The following RBFOX1 variants were observed in gnomAD, a reference collection of about 807,000 sequenced individuals.
RBFOX1 encodes the protein RNA binding protein fox-1 homolog 1.
In RBFOX1, 8 loss-of-function variants were observed where a neutral mutation model predicts 57.7. That is an observed-to-expected ratio of 0.14 (90% CI 0.08 to 0.25). The LOEUF (loss-of-function observed/expected upper bound fraction) is 0.25, where lower values mean the gene tolerates loss of function less well. RBFOX1 is among the 10% of genes least tolerant of loss of function. The pLI is 1.00. For missense variants in RBFOX1, 611 were observed against 548.5 expected (o/e 1.11, Z -1.14); for synonymous variants, 326 against 222.4 (o/e 1.47, Z -4.15).
chr16:5,903,782 C>G (rs2058370905), intron 4 of RBFOX1, among the ~76,000 whole-genome samples: 1 of 152,126 alleles, frequency 6.6e-6, no homozygotes, highest in South Asian at 2.1e-4. Context: ...TTAGATGTTT[C>G]TGTGTGCCCC....
At chr16:6,439,755 T>C (rs191310351) in intron 2 of RBFOX1, among the ~76,000 whole-genome samples, 12 of 152,074 alleles carry the variant, frequency 7.9e-5, no homozygotes, top group African/African-American at 2.9e-4. Context: ...GTCTCATCTT[T>C]CCCTGGGAGA....
At position 6,376,267 on chromosome 16, in the gene RBFOX1, G is replaced by C. The variant is rs140133491; in HGVS notation, c.-64+59210G>C. On this transcript the variant is annotated intron_variant, in intron 2 of 15. Transcript: ENST00000550418. ...CCTATAGCCTGGCACTTAGTGAGGC[G>C]GTGTGTTGTGTTGGGTTTTGTTTGT... 9.2e-3 allele frequency among the ~76,000 whole-genome samples: 1,392 copies of C among 150,974 alleles called. 23 individuals carry two copies. The highest frequency in any genetic ancestry group is 0.031 in the African/African-American group (1,254 of 41,076).
rs151036290 is a variant in RBFOX1, at chr16:6,881,717, C to G, written c.-15-170340C>G. On this transcript the variant is annotated intron_variant, in intron 3 of 15. Coordinates refer to ENST00000550418, the MANE Select transcript of RBFOX1 (RefSeq NM_018723.4). ...CGTCTTAACGTTGAATTTGCGGGGA[C>G]AATTTAACACATCACACTGGGTGCC... Among the ~76,000 whole-genome samples the G allele has an allele frequency of 1.4e-4, 21 of 152,270 alleles. No homozygotes were observed. The East Asian group carries it at 3.9e-3, about 28-fold the overall frequency.
intron 4 of RBFOX1, among the ~76,000 whole-genome samples, chr16:7,154,020 T>C (rs2076603953): frequency 6.6e-6 from 1 of 152,198 alleles, no homozygotes; most frequent in Non-Finnish European, 1.5e-5. Flanking sequence ...CCATCATCAT[T>C]ATCATAGTTG....
intron 2 of RBFOX1, among the ~76,000 whole-genome samples, chr16:6,384,887 C>A (rs766558251): frequency 2.0e-5 from 3 of 152,180 alleles, no homozygotes; most frequent in Non-Finnish European, 4.4e-5. Flanking sequence ...TCCCTTAGAA[C>A]TAGTCTGCAG....
At chr16:5,341,584 A>T (rs779406965) in intron 1 of RBFOX1, among the ~76,000 whole-genome samples, 48 of 152,194 alleles carry the variant, frequency 3.2e-4, no homozygotes, top group African/African-American at 1.2e-3. Context: ...TGGACACACA[A>T]CGTGAGCAGT....
At chr16:5,355,597 A>C (rs569915128) in intron 1 of RBFOX1, among the ~76,000 whole-genome samples, 1 of 152,210 alleles carries the variant, frequency 6.6e-6, no homozygotes, top group Non-Finnish European at 1.5e-5. Context: ...TGATGTAATT[A>C]GGAAGACAGA....
chr16:5,856,557 G>GAGTA (rs2057066778), intron 3 of RBFOX1, among the ~76,000 whole-genome samples: 1 of 58,680 alleles, frequency 1.7e-5, no homozygotes, highest in African/African-American at 6.6e-5. Context: ...GTGTGTGTGT[G>GAGTA]TGTGTATGTG....
Position 7,135,268 on chromosome 16 carries a change from A to C in RBFOX1, c.27+83170A>C, listed in dbSNP as rs150197738. On this transcript the variant is annotated intron_variant, in intron 4 of 15. Transcript: ENST00000550418. ...TTGTTGCTGTTGGATTAAAGCAACT[A>C]AGTAACTCTGCAGTGGACAGAGGCT... Among the ~76,000 whole-genome samples the C allele has an allele frequency of 1.4e-4, 21 of 152,306 alleles. No individual in the cohort carries two copies. In the East Asian group the frequency reaches 3.3e-3, roughly 24 times the overall value.
chr16:6,641,414 T>C (rs1468385998), intron 2 of RBFOX1, among the ~76,000 whole-genome samples: 1 of 152,118 alleles, frequency 6.6e-6, no homozygotes, highest in African/African-American at 2.4e-5. Flanking sequence ...TTGGTGCTGG[T>C]GATGCAGACA....
chr16:5,672,810 G>C (rs1402731641), intron 3 of RBFOX1, among the ~76,000 whole-genome samples: 4 of 152,128 alleles, frequency 2.6e-5, no homozygotes, highest in African/African-American at 9.7e-5. Flanking sequence ...GTCCTACCTA[G>C]ACCAGAGAAA....
chr16:7,158,507 A>T (rs1343232298), intron 4 of RBFOX1, among the ~76,000 whole-genome samples: 1 of 151,800 alleles, frequency 6.6e-6, no homozygotes, highest in East Asian at 1.9e-4. Flanking sequence ...CTCCTGTGGG[A>T]TGTATGTTTG....
chr16:6,193,379 T>TTATA (rs1484355546), intron 1 of RBFOX1, among the ~76,000 whole-genome samples: 1,601 of 62,994 alleles, frequency 0.025, 33 homozygotes, highest in South Asian at 0.033. Flanking sequence ...TATATATACA[T>TTATA]TATATATATA....
intron 4 of RBFOX1, among the ~76,000 whole-genome samples, chr16:7,247,811 T>C (rs1384184413): frequency 5.3e-5 from 8 of 152,182 alleles, no homozygotes; most frequent in African/African-American, 1.9e-4. Context: ...CACTGCATGT[T>C]CTCACTTATA....
chr16:5,892,824 C>T (rs1184554381), intron 4 of RBFOX1, among the ~76,000 whole-genome samples: 2 of 152,138 alleles, frequency 1.3e-5, no homozygotes, highest in African/African-American at 4.8e-5. Flanking sequence ...AGGCACTGTG[C>T]AGAGTGCGCT....
intron 3 of RBFOX1, among the ~76,000 whole-genome samples, chr16:6,693,868 C>T (rs995220196): frequency 2.0e-5 from 3 of 152,220 alleles, no homozygotes; most frequent in African/African-American, 7.2e-5. Flanking sequence ...CTTTAGTGTT[C>T]ACAGAGTGCC....
chr16:6,767,863 G>C (rs563115618), intron 3 of RBFOX1, among the ~76,000 whole-genome samples: 17 of 150,958 alleles, frequency 1.1e-4, no homozygotes, highest in African/African-American at 3.2e-4. Context: ...GCAGTGAGCC[G>C]AGATCGCGCC....
At chr16:6,861,346 G>C (rs1004335711) in intron 3 of RBFOX1, among the ~76,000 whole-genome samples, 1 of 152,104 alleles carries the variant, frequency 6.6e-6, no homozygotes, top group Non-Finnish European at 1.5e-5. Flanking sequence ...GGGCAGATGA[G>C]TAAAGAGATG....
At chr16:6,198,844 C>T (rs1598302856) in intron 1 of RBFOX1, among the ~76,000 whole-genome samples, 1 of 151,902 alleles carries the variant, frequency 6.6e-6, no homozygotes, top group African/African-American at 2.4e-5. Context: ...TTATAGAGTA[C>T]ACCATCAAGA....
Sources: gnomAD v4.1 joint callset for allele counts (sites outside exome capture counted in the v4.1 genomes callset) on GRCh38, gnomAD v4.1.1 for gene constraint, MANE v1.5 for transcripts, NCBI Gene and HGNC (gene_info 2026-07-23, HGNC 2026-07-21) for gene names.